The following SLC39A12 variants were observed in gnomAD, a reference collection of about 807,000 sequenced individuals.
SLC39A12 encodes zinc transporter ZIP12.
A neutral mutation model predicts 71.1 loss-of-function variants in SLC39A12; 63 were observed. The observed-to-expected ratio is 0.89, with a 90% CI of 0.72 to 1.09. The LOEUF (loss-of-function observed/expected upper bound fraction) is 1.09, where lower values mean the gene tolerates loss of function less well. SLC39A12 is among the 50% of genes least tolerant of loss of function. The probability of loss-of-function intolerance (pLI) is 0.00; values close to 1 mark genes in which losing one functional copy is unlikely to be tolerated. For synonymous variants in SLC39A12, 351 were observed against 301.3 expected (o/e 1.16, Z -1.71); for missense variants, 892 against 812.6 (o/e 1.10, Z -1.19).
intron 12 of SLC39A12, among the ~76,000 whole-genome samples, chr10:18,012,710 T>C (rs1450906962): frequency 1.3e-5 from 2 of 151,906 alleles, no homozygotes; most frequent in African/African-American, 4.8e-5. Flanking sequence ...CTACTAAAAA[T>C]ACAAAAATTA....
At chr10:18,005,569 A>G (rs1005945393) in intron 12 of SLC39A12, 6 of 152,238 alleles carry the variant, frequency 3.9e-5, no homozygotes, top group African/African-American at 1.4e-4. Context: ...CTCTTCAAGT[A>G]GGATGAATGT....
In SLC39A12 at chr10:17,953,419, A is replaced by T; in HGVS notation, c.143A>T (p.Gln48Leu). Residue 48 changes from glutamine (Q) to leucine (L), a missense_variant, in exon 2 of 13, where the codon CAG (glutamine) becomes CTG (leucine). By Grantham distance (113) the Gln-to-Leu change is moderately radical. Transcript: ENST00000377369. ...GSSGQPADLL[Q>L]VLSAGDHPPH... ...TCAGGCCAACCGGCAGACCTGCTAC[A>T]GGTTCTCTCTGCTGGTGACCACCCA... 6.2e-7 allele frequency: 1 copy of T among 1,614,216 alleles called. No individual in the cohort carries two copies. The highest frequency in any genetic ancestry group is 1.1e-5 in the South Asian group (1 of 91,080).
chr10:17,965,094 C>T (rs1001496320), intron 3 of SLC39A12, among the ~76,000 whole-genome samples: 31 of 152,220 alleles, frequency 2.0e-4, no homozygotes, highest in African/African-American at 6.0e-4. Flanking sequence ...GTAATCCCAG[C>T]TACTCAGGAG....
At chr10:17,993,155 A>G (rs750731969) in intron 8 of SLC39A12, 26 bp from the exon 9 acceptor site, 12 of 1,501,958 alleles carry the variant, frequency 8.0e-6, no homozygotes, top group African/African-American at 1.4e-5. Flanking sequence ...TGGCTTCAAC[A>G]CTAATTTTAA....
At position 17,997,045 on chromosome 10, in the gene SLC39A12, A is replaced by AAAAAAG. The variant is rs1180579213; in HGVS notation, c.1600+1333_1600+1338dup. Among the ~76,000 whole-genome samples the AAAAAAG allele has an allele frequency of 4.0e-5, 6 of 151,764 alleles. 1 individual carries two copies. The highest frequency in any genetic ancestry group is 1.2e-4 in the African/African-American group (5 of 41,362). ...CTCAAAAAAAAAAAAAAAGAAAAAG[A>AAAAAAG]AAAAAGAAAAAGAAAGAAATGCTAA... On this transcript the variant is annotated intron_variant, in intron 10 of 12. Coordinates refer to ENST00000377369, the MANE Select transcript of SLC39A12 (RefSeq NM_001145195.2).
At chr10:17,954,795 G>C (rs1293830493) in intron 2 of SLC39A12, among the ~76,000 whole-genome samples, 1 of 152,120 alleles carries the variant, frequency 6.6e-6, no homozygotes, top group Non-Finnish European at 1.5e-5. Context: ...AATACATTTT[G>C]GCAGACTTTC....
Position 17,991,305 on chromosome 10 carries a change from T to G in SLC39A12, c.1422+2T>G, listed in dbSNP as rs1276326561. ...CTTCTTGTATCACCAAATGACAAGG[T>G]ATATTTTTAAGTTTTATTTGTCTTG... On this transcript the variant is annotated splice_donor_variant, in intron 8 of 12. Coordinates refer to ENST00000377369, the MANE Select transcript of SLC39A12 (RefSeq NM_001145195.2). LOFTEE classifies it high-confidence loss of function. 6.4e-7 allele frequency: 1 copy of G among 1,571,452 alleles called. No individual in the cohort carries two copies. The highest frequency in any genetic ancestry group is 1.4e-5 in the African/African-American group (1 of 72,178).
At chr10:18,025,128 T>C (rs1455485932) in intron 12 of SLC39A12, among the ~76,000 whole-genome samples, 1 of 152,236 alleles carries the variant, frequency 6.6e-6, no homozygotes, top group Admixed American at 6.5e-5. Context: ...TACTGTTTCT[T>C]ATTCATTACT....
chr10:17,967,161 G>T (rs1834847691), intron 4 of SLC39A12, among the ~76,000 whole-genome samples: 4 of 152,176 alleles, frequency 2.6e-5, no homozygotes, highest in South Asian at 2.1e-4. Context: ...AACAAAGGGG[G>T]TTGGTTTTCA....
At chr10:17,964,691 C>A (rs1164398549) in intron 3 of SLC39A12, among the ~76,000 whole-genome samples, 2 of 152,208 alleles carry the variant, frequency 1.3e-5, no homozygotes, top group African/African-American at 4.8e-5. Flanking sequence ...ATTTGACATG[C>A]AATGAGTACA....
At chr10:18,039,192 A>G (rs1019039389) in intron 12 of SLC39A12, among the ~76,000 whole-genome samples, 4 of 152,220 alleles carry the variant, frequency 2.6e-5, no homozygotes, top group Non-Finnish European at 5.9e-5. Context: ...TACAAAAGAT[A>G]ATTAATAATC....
At chr10:18,038,279 A>G (rs764393199) in intron 12 of SLC39A12, among the ~76,000 whole-genome samples, 2 of 152,106 alleles carry the variant, frequency 1.3e-5, no homozygotes, top group African/African-American at 2.4e-5. Flanking sequence ...CTCATAAAAG[A>G]TGCATTCAAT....
Position 17,977,978 on chromosome 10 carries a change from G to C in SLC39A12, c.828G>C (p.Arg276Ser), listed in dbSNP as rs1835154311. The C allele has an allele frequency of 6.2e-7, 1 of 1,611,272 alleles. No individual in the cohort carries two copies. Among genetic ancestry groups the C allele is most frequent in the South Asian group, 1.1e-5 (1 of 90,616 alleles). Residue 276 changes from arginine (R) to serine (S), a missense_variant, in exon 5 of 13, where the codon AGG becomes AGC. Coordinates refer to ENST00000377369, the MANE Select transcript of SLC39A12 (RefSeq NM_001145195.2). ...IKNEKIHQFQ[R>S]KQNNIITHDQ... ...ATGAGAAAATCCATCAATTTCAAAG[G>C]AAACAAAACAACATAATAACCCATG... is the stretch of plus-strand genomic sequence containing the variant.
At chr10:17,995,376 C>T (rs2076117543) in intron 9 of SLC39A12, among the ~76,000 whole-genome samples, 1 of 152,144 alleles carries the variant, frequency 6.6e-6, no homozygotes, top group Non-Finnish European at 1.5e-5. Context: ...ATTTACGAGT[C>T]TGAATTACAG....
intron 12 of SLC39A12, among the ~76,000 whole-genome samples, chr10:18,042,260 T>C (rs1837277674): frequency 6.6e-6 from 1 of 152,040 alleles, no homozygotes; most frequent in Admixed American, 6.6e-5. Flanking sequence ...TGCAGGTTGC[T>C]TGAGCCCAGG....
chr10:18,026,896 G>A (rs569022582), intron 12 of SLC39A12, among the ~76,000 whole-genome samples: 2 of 151,790 alleles, frequency 1.3e-5, no homozygotes, highest in Admixed American at 1.3e-4. Context: ...CCATTTTTCT[G>A]CTTACATTTT....
chr10:17,981,238 A>G, intron 5 of SLC39A12, 74 bp from the exon 6 acceptor site: 1 of 1,370,784 alleles, frequency 7.3e-7, no homozygotes, highest in Non-Finnish European at 1.0e-6. Context: ...TTCACTCCTC[A>G]AGGATGACAA....
intron 7 of SLC39A12, among the ~76,000 whole-genome samples, chr10:17,990,284 G>A (rs1311024241): frequency 6.6e-6 from 1 of 152,026 alleles, no homozygotes; most frequent in Admixed American, 6.6e-5. Flanking sequence ...ACATATATAT[G>A]TAGATACATA....
At chr10:17,956,951 G>GA (rs1252298294) in intron 2 of SLC39A12, among the ~76,000 whole-genome samples, 1 of 151,796 alleles carries the variant, frequency 6.6e-6, no homozygotes, top group Non-Finnish European at 1.5e-5. Flanking sequence ...TCTTTGTCAG[G>GA]AAAAAAACAC....
Sources: gnomAD v4.1 joint callset for allele counts (sites outside exome capture counted in the v4.1 genomes callset) on GRCh38, gnomAD v4.1.1 for gene constraint, MANE v1.5 for transcripts, NCBI Gene and HGNC (gene_info 2026-07-23, HGNC 2026-07-21) for gene names.